Variants in ATP11A observed in about 807,000 individuals in gnomAD.
The protein encoded by ATP11A is phospholipid-transporting ATPase IH.
ATP11A carries 81 observed loss-of-function variants against 154.4 expected under a neutral mutation model. The observed-to-expected ratio is 0.52, with a 90% CI of 0.44 to 0.63. The LOEUF (loss-of-function observed/expected upper bound fraction) is 0.63. ATP11A is among the 30% of genes least tolerant of loss of function. ATP11A has a pLI of 0.00. For synonymous variants in ATP11A, 623 were observed against 585.9 expected, an observed-to-expected ratio of 1.06 and a Z score of -0.91; for missense variants, 1,316 against 1,474.3, an observed-to-expected ratio of 0.89 and a Z score of 1.76.
Position 112,819,285 on chromosome 13 carries a change from A to G in ATP11A, c.571-19A>G, listed in dbSNP as rs1340936271. The G allele has an allele frequency of 1.1e-6, 1 of 878,260 alleles. No individual in the cohort carries two copies. Among genetic ancestry groups the G allele is most frequent in the Non-Finnish European group, 1.6e-6 (1 of 617,856 alleles). 54.4% of individuals were successfully genotyped at this position (878,260 alleles called of 1,614,324 possible). ...TTGACCGTTTTGGCGGTGAGCTCAC[A>G]TGTCTTGTGCATTTGTAGACGCATT... On this transcript the variant is annotated intron_variant, in intron 6 of 29. Transcript: ENST00000375645.
intron 2 of ATP11A, among the ~76,000 whole-genome samples, chr13:112,791,274 T>C (rs2077847297): frequency 6.6e-6 from 1 of 152,214 alleles, no homozygotes; most frequent in South Asian, 2.1e-4. Flanking sequence ...GTGATGGGCG[T>C]GTGGAACCGC....
intron 1 of ATP11A, among the ~76,000 whole-genome samples, chr13:112,703,817 G>A (rs1161856344): frequency 1.3e-5 from 2 of 151,980 alleles, no homozygotes; most frequent in Non-Finnish European, 2.9e-5. Flanking sequence ...TTTGGTGTTT[G>A]CATTACAATC....
At chr13:112,763,190 G>A (rs944755217) in intron 1 of ATP11A, among the ~76,000 whole-genome samples, 10 of 152,122 alleles carry the variant, frequency 6.6e-5, no homozygotes, top group Admixed American at 3.3e-4. Flanking sequence ...CAGCTATTAC[G>A]TTGTAAACCG....
At chr13:112,823,524 G>A (rs1272631564) in intron 9 of ATP11A, 115 bp downstream of exon 9, 3 of 777,146 alleles carry the variant, frequency 3.9e-6, no homozygotes, top group African/African-American at 1.8e-5. Context: ...GGTGCTGGAG[G>A]CTTTCTGGCC....
rs1469228673 is a variant in ATP11A, at chr13:112,866,665, G to A, written c.2991+4090G>A. Among the ~76,000 whole-genome samples the A allele has an allele frequency of 1.6e-4, 6 of 37,084 alleles. 2 individuals are homozygous for A. The highest frequency in any genetic ancestry group is 8.0e-4 in the South Asian group (1 of 1,252). The allele number at this position is 37,084 out of a possible 152,430, so 24.3% of individuals were successfully genotyped here. ...TCTGGGTGACTTCTAAACAGAAATC[G>A]GCTTCGTTCCTTGTTTAGCCTGACC... On this transcript the variant is annotated intron_variant, in intron 25 of 29. Coordinates refer to ENST00000375645, the MANE Select transcript of ATP11A (RefSeq NM_015205.3).
intron 1 of ATP11A, among the ~76,000 whole-genome samples, chr13:112,691,232 A>G (rs1246396060): frequency 6.6e-6 from 1 of 152,068 alleles, no homozygotes; most frequent in Non-Finnish European, 1.5e-5. Context: ...TTGGAGGCCG[A>G]GGCGGGCGGA....
At chr13:112,821,091 C>T (rs1168555080) in intron 8 of ATP11A, among the ~76,000 whole-genome samples, 3 of 152,148 alleles carry the variant, frequency 2.0e-5, no homozygotes, top group African/African-American at 7.2e-5. Flanking sequence ...TTCCTCCTTA[C>T]TTTGGAGAAA....
intron 29 of ATP11A, among the ~76,000 whole-genome samples, chr13:112,880,074 T>C (rs1294835816): frequency 6.6e-6 from 1 of 152,220 alleles, no homozygotes; most frequent in African/African-American, 2.4e-5. Context: ...GTGCTTCCCT[T>C]ATTCCTTGAA....
At chr13:112,742,590 C>T (rs138435921) in intron 1 of ATP11A, among the ~76,000 whole-genome samples, 9 of 152,208 alleles carry the variant, frequency 5.9e-5, no homozygotes, top group African/African-American at 1.9e-4. Context: ...ATGCCACTTA[C>T]GATAATTCTG....
chr13:112,708,940 A>G (rs1887452419), intron 1 of ATP11A, among the ~76,000 whole-genome samples: 1 of 152,146 alleles, frequency 6.6e-6, no homozygotes, highest in Admixed American at 6.5e-5. Context: ...TTCCTGTCTT[A>G]ACTTGAAGAC....
chr13:112,790,700 G>A (rs1327044529), intron 2 of ATP11A, among the ~76,000 whole-genome samples: 2 of 151,652 alleles, frequency 1.3e-5, no homozygotes, highest in African/African-American at 2.4e-5. Flanking sequence ...GTGTCCTGAT[G>A]TGTAGACTCC....
At chr13:112,780,743 G>C (rs1041648281) in intron 1 of ATP11A, among the ~76,000 whole-genome samples, 2 of 152,082 alleles carry the variant, frequency 1.3e-5, no homozygotes, top group Admixed American at 6.5e-5. Flanking sequence ...TGGCTTTCTC[G>C]ATGCAGTTTG....
intron 1 of ATP11A, among the ~76,000 whole-genome samples, chr13:112,714,311 C>T (rs1319791069): frequency 6.6e-6 from 1 of 152,108 alleles, no homozygotes; most frequent in African/African-American, 2.4e-5. Flanking sequence ...TGTTCTCCAT[C>T]TCCTGGTCTG....
At chr13:112,858,319 T>C (rs1434982352) in intron 22 of ATP11A, 29 bp downstream of exon 22, 1 of 1,594,808 alleles carries the variant, frequency 6.3e-7, no homozygotes, top group Admixed American at 1.7e-5. Flanking sequence ...CCCCTCACGG[T>C]GTTAGCAACA....
intron 28 of ATP11A, 81 bp downstream of exon 28, chr13:112,876,022 T>A: frequency 5.4e-6 from 8 of 1,484,960 alleles, no homozygotes; most frequent in Non-Finnish European, 6.4e-6. Flanking sequence ...TGAAAGACAG[T>A]GTGAAAGGTT....
chr13:112,735,993 C>A (rs574008212), intron 1 of ATP11A, among the ~76,000 whole-genome samples: 66 of 152,300 alleles, frequency 4.3e-4, no homozygotes, highest in South Asian at 8.3e-4. Flanking sequence ...TGCAGAGCCT[C>A]CGTATGCGCA....
At position 112,880,872 on chromosome 13, in the gene ATP11A, C is replaced by T. The variant is rs747480012; in HGVS notation, c.*10-1004C>T. 1.4e-4 allele frequency: 147 copies of T among 1,038,752 alleles called. 1 individual carries two copies. The highest frequency in any genetic ancestry group is 1.6e-4 in the Non-Finnish European group (140 of 857,464). 64.3% of individuals were successfully genotyped at this position (1,038,752 alleles called of 1,614,324 possible). A position where few individuals can be genotyped will look rare whatever the true frequency, so the allele number is the denominator to read the frequency against. On this transcript the variant is annotated intron_variant, in intron 29 of 29. Coordinates refer to ENST00000375645, the MANE Select transcript of ATP11A (RefSeq NM_015205.3). The stretch of plus-strand genomic sequence containing the variant: ...CTGTGCACACACACGTGTGCACACT[C>T]ACCCCACACGCACGGCACACAGCCT...
intron 1 of ATP11A, among the ~76,000 whole-genome samples, chr13:112,733,055 TTTTG>T (rs1365201293): frequency 2.0e-5 from 3 of 152,248 alleles, no homozygotes; most frequent in African/African-American, 4.8e-5. Context: ...CTGTACATGT[TTTTG>T]TTCTAAAAAT....
intron 3 of ATP11A, among the ~76,000 whole-genome samples, chr13:112,805,690 GAGAA>G (rs1431021420): frequency 6.3e-4 from 84 of 133,298 alleles, no homozygotes; most frequent in African/African-American, 1.7e-3. Context: ...AAAAAAAAAA[GAGAA>G]AGAAAAAGAA....
Sources: gnomAD v4.1 joint callset for allele counts (sites outside exome capture counted in the v4.1 genomes callset) on GRCh38, gnomAD v4.1.1 for gene constraint, MANE v1.5 for transcripts, NCBI Gene and HGNC (gene_info 2026-07-23, HGNC 2026-07-21) for gene names.